PRKCH: variants seen among roughly 807,000 people sequenced by gnomAD.
PRKCH encodes protein kinase C eta type.
PRKCH carries 28 observed loss-of-function variants against 82.5 expected under a neutral mutation model. The ratio of observed to expected loss-of-function variants is 0.34; its 90% CI spans 0.25 to 0.47. The LOEUF (loss-of-function observed/expected upper bound fraction) is 0.47, where lower values mean the gene tolerates loss of function less well. Ranked by LOEUF, PRKCH falls within the 20% of genes least tolerant of loss-of-function variation. The probability of loss-of-function intolerance (pLI) is 1.00; values close to 1 mark genes in which losing one functional copy is unlikely to be tolerated. For synonymous variants in PRKCH, 322 were observed against 327.4 expected, an observed-to-expected ratio of 0.98 and a Z score of 0.18; for missense variants, 705 against 881.8, an observed-to-expected ratio of 0.80 and a Z score of 2.54.
At chr14:61,407,615 T>C (rs1179629541) in intron 2 of PRKCH, among the ~76,000 whole-genome samples, 1 of 152,064 alleles carries the variant, frequency 6.6e-6, no homozygotes, top group Non-Finnish European at 1.5e-5. Flanking sequence ...CAAATGTGTC[T>C]GGGAGCTGTC....
At chr14:61,207,940 C>T (rs1410622587) in intron 1 of PRKCH, among the ~76,000 whole-genome samples, 1 of 152,220 alleles carries the variant, frequency 6.6e-6, no homozygotes, top group Non-Finnish European at 1.5e-5. Context: ...GTGTTGTCCC[C>T]AGCCTGACAT....
intron 1 of PRKCH, among the ~76,000 whole-genome samples, chr14:61,259,831 A>G (rs1376439045): frequency 6.6e-6 from 1 of 152,130 alleles, no homozygotes; most frequent in East Asian, 1.9e-4. Flanking sequence ...GATTTGTTTT[A>G]CAGATTAATA....
At chr14:61,415,327 G>A (rs1033429691) in intron 2 of PRKCH, among the ~76,000 whole-genome samples, 18 of 152,204 alleles carry the variant, frequency 1.2e-4, no homozygotes, top group African/African-American at 4.3e-4. Context: ...TGAAGTTCCT[G>A]TCATTTCCCA....
intron 1 of PRKCH, among the ~76,000 whole-genome samples, chr14:61,222,028 G>A (rs2044660050): frequency 6.6e-6 from 1 of 152,178 alleles, no homozygotes; most frequent in Non-Finnish European, 1.5e-5. Context: ...GCAGCCTGCA[G>A]TGCCCCCTCC....
chr14:61,366,796 A>T (rs1163208442), intron 1 of PRKCH, among the ~76,000 whole-genome samples: 1 of 152,014 alleles, frequency 6.6e-6, no homozygotes, highest in Non-Finnish European at 1.5e-5. Flanking sequence ...CAGTGGCCAG[A>T]GGCTTCAAGG....
At chr14:61,240,748 C>T (rs939276607) in intron 1 of PRKCH, among the ~76,000 whole-genome samples, 1 of 152,030 alleles carries the variant, frequency 6.6e-6, no homozygotes, top group African/African-American at 2.4e-5. Flanking sequence ...TTATCACCCT[C>T]CACCCATTTG....
intron 1 of PRKCH, among the ~76,000 whole-genome samples, chr14:61,360,504 CA>C (rs200248624): frequency 1.4e-5 from 2 of 143,688 alleles, no homozygotes; most frequent in Admixed American, 1.4e-4. Flanking sequence ...GACTCCATCT[CA>C]AAAAAAAAGA....
chr14:61,409,900 C>G (rs563604295), intron 2 of PRKCH, among the ~76,000 whole-genome samples: 1 of 152,226 alleles, frequency 6.6e-6, no homozygotes, highest in East Asian at 1.9e-4. Context: ...CCTTTTCCTC[C>G]TGTTACTAGG....
chr14:61,415,061 T>C (rs1033482242), intron 2 of PRKCH, among the ~76,000 whole-genome samples: 21 of 152,178 alleles, frequency 1.4e-4, no homozygotes, highest in African/African-American at 4.6e-4. Context: ...CTGTGCTGTC[T>C]TTCAAACTCC....
intron 1 of PRKCH, among the ~76,000 whole-genome samples, chr14:61,252,002 G>A (rs768130460): frequency 1.3e-5 from 2 of 152,034 alleles, no homozygotes; most frequent in Non-Finnish European, 2.9e-5. Flanking sequence ...ACCACGCCCA[G>A]CTAATTTCTG....
intron 1 of PRKCH, among the ~76,000 whole-genome samples, chr14:61,224,400 C>T (rs2044679519): frequency 6.6e-6 from 1 of 152,148 alleles, no homozygotes; most frequent in Non-Finnish European, 1.5e-5. Context: ...TCATATTTCA[C>T]TAGTTTTTCC....
At chr14:61,208,173 T>C (rs2044542601) in intron 1 of PRKCH, among the ~76,000 whole-genome samples, 1 of 152,248 alleles carries the variant, frequency 6.6e-6, no homozygotes, top group African/African-American at 2.4e-5. Flanking sequence ...TGAATTCTCT[T>C]ATTTAAAAGA....
intron 12 of PRKCH, chr14:61,544,414 C>G (rs1362535634): frequency 6.6e-6 from 1 of 152,166 alleles, no homozygotes; most frequent in Admixed American, 6.5e-5. Context: ...TATTTCAAAA[C>G]ACACTAGGTA....
chr14:61,248,540 A>AG (rs1185271606), intron 1 of PRKCH, among the ~76,000 whole-genome samples: 3 of 152,132 alleles, frequency 2.0e-5, no homozygotes, highest in Non-Finnish European at 4.4e-5. Flanking sequence ...ATACCATCTG[A>AG]GGGGGCCTGA....
At chr14:61,190,989 A>G (rs2044403712) in intron 1 of PRKCH, among the ~76,000 whole-genome samples, 1 of 152,230 alleles carries the variant, frequency 6.6e-6, no homozygotes, top group African/African-American at 2.4e-5. Flanking sequence ...CCAAAAGACC[A>G]CAGAAACAAA....
At chr14:61,236,175 G>C (rs7150267) in intron 1 of PRKCH, among the ~76,000 whole-genome samples, 25,117 of 152,102 alleles carry the variant, frequency 0.17, 2,120 homozygotes, top group East Asian at 0.24. Flanking sequence ...TTTGAGACCA[G>C]CCTGGCCAAC....
chr14:61,501,348 A>G (rs545651449), intron 10 of PRKCH, among the ~76,000 whole-genome samples: 1 of 152,290 alleles, frequency 6.6e-6, no homozygotes, highest in African/African-American at 2.4e-5. Context: ...AATTAAAAGA[A>G]AGAATACATT....
chr14:61,292,833 A>C (rs1313043924), intron 1 of PRKCH, among the ~76,000 whole-genome samples: 1 of 150,648 alleles, frequency 6.6e-6, no homozygotes, highest in African/African-American at 2.4e-5. Context: ...ATAATCTCAG[A>C]TACTAAGGAG....
intron 10 of PRKCH, among the ~76,000 whole-genome samples, chr14:61,510,641 C>T (rs138674410): frequency 3.3e-5 from 5 of 152,082 alleles, no homozygotes; most frequent in Non-Finnish European, 5.9e-5. Flanking sequence ...CCTGGCTCTC[C>T]GGAGAGAGGT....
Sources: allele counts gnomAD v4.1 joint callset (sites outside exome capture counted in the v4.1 genomes callset), GRCh38; gene constraint gnomAD v4.1.1; transcripts MANE v1.5; gene names NCBI Gene and HGNC (gene_info 2026-07-23, HGNC 2026-07-21).